PDHX: variants seen among roughly 807,000 people sequenced by gnomAD.
The protein encoded by PDHX is pyruvate dehydrogenase complex component X.
Under a neutral mutation model 55.3 loss-of-function variants are expected in PDHX, and 33 were observed. That is an observed-to-expected ratio of 0.60 (90% CI 0.45 to 0.80). PDHX has a LOEUF of 0.80. Ranked by LOEUF, PDHX falls within the 30% of genes least tolerant of loss-of-function variation. PDHX has a pLI of 0.00. For synonymous variants in PDHX, 226 were observed against 219.4 expected (o/e 1.03, Z -0.27); for missense variants, 622 against 619.9 (o/e 1.00, Z -0.04).
intron 7 of PDHX, among the ~76,000 whole-genome samples, chr11:34,976,600 C>T (rs1227768802): frequency 6.6e-6 from 1 of 152,102 alleles, no homozygotes; most frequent in Admixed American, 6.6e-5. Flanking sequence ...GGAACTGGAA[C>T]TTCTAGCCTG....
chr11:34,953,598 G>A (rs528023557), intron 3 of PDHX, among the ~76,000 whole-genome samples: 2 of 152,164 alleles, frequency 1.3e-5, no homozygotes, highest in Non-Finnish European at 2.9e-5. Flanking sequence ...TTTTAAACTT[G>A]TTTTTTTAAA....
At position 34,992,905 on chromosome 11, in the gene PDHX, C is replaced by CTTCT. The variant is rs1200958921; in HGVS notation, c.1247+526_1247+527insTTCT. Among the ~76,000 whole-genome samples the CTTCT allele has an allele frequency of 4.2e-3, 642 of 152,256 alleles. 4 individuals carry two copies. Among genetic ancestry groups the CTTCT allele is most frequent in the African/African-American group, 0.015 (610 of 41,566 alleles). ...AGAATTCCTAAGTTAGAAGCTTTAG[C>CTTCT]AGCTACTACCAAACAATTTTCCAAA... On this transcript the variant is annotated intron_variant, in intron 10 of 10. Coordinates refer to ENST00000227868, the MANE Select transcript of PDHX (RefSeq NM_003477.3).
chr11:34,990,294 T>C (rs190089232), intron 9 of PDHX, among the ~76,000 whole-genome samples: 2 of 152,332 alleles, frequency 1.3e-5, no homozygotes, highest in Admixed American at 1.3e-4. Context: ...TTCTTTCAGC[T>C]GGATGCTTCA....
intron 1 of PDHX, among the ~76,000 whole-genome samples, chr11:34,919,962 A>G (rs1468191439): frequency 6.6e-6 from 1 of 152,202 alleles, no homozygotes; most frequent in Non-Finnish European, 1.5e-5. Flanking sequence ...CTCTTTGGGG[A>G]CATAAACAAT....
At chr11:34,936,769 G>GTTTTT (rs1565151874) in intron 2 of PDHX, among the ~76,000 whole-genome samples, 2 of 91,000 alleles carry the variant, frequency 2.2e-5, no homozygotes, top group African/African-American at 4.6e-5. Context: ...ATAGGAAGTG[G>GTTTTT]TTTCTTTTCT....
chr11:34,931,102 A>G (rs901385693), intron 1 of PDHX, among the ~76,000 whole-genome samples: 1 of 152,014 alleles, frequency 6.6e-6, no homozygotes, highest in Non-Finnish European at 1.5e-5. Context: ...TCAATCCTAA[A>G]TCAATTTTTC....
chr11:34,967,645 A>T (rs967305370), intron 6 of PDHX, among the ~76,000 whole-genome samples: 1 of 152,078 alleles, frequency 6.6e-6, no homozygotes, highest in African/African-American at 2.4e-5. Context: ...TATTCAGGTT[A>T]TTTTCTTCCT....
chr11:34,995,234 T>TAA lies in PDHX; in HGVS notation c.*63_*64insAA. 6.4e-7 allele frequency: 1 copy of TAA among 1,562,768 alleles called. No individual in the cohort carries two copies. Among genetic ancestry groups the TAA allele is most frequent in the South Asian group, 1.1e-5 (1 of 89,280 alleles). Reference sequence around the variant, plus strand: ...ATTCAGTAGTTGTTACCAAGAAACATATGTTATAGGAAAACAACTTGGTAT... The same window carrying TAA: ...ATTCAGTAGTTGTTACCAAGAAACATAAATGTTATAGGAAAACAACTTGGTAT... On this transcript the variant is annotated 3_prime_UTR_variant, in exon 11 of 11. Coordinates refer to ENST00000227868, the MANE Select transcript of PDHX (RefSeq NM_003477.3).
At chr11:34,917,227 A>G (rs1590722279) in intron 1 of PDHX, among the ~76,000 whole-genome samples, 4 of 152,230 alleles carry the variant, frequency 2.6e-5, no homozygotes, top group African/African-American at 9.6e-5. Flanking sequence ...GTTCTTACTT[A>G]TTCTCTAGGC....
At chr11:34,942,710 TA>T (rs1854517343) in intron 2 of PDHX, among the ~76,000 whole-genome samples, 1 of 152,224 alleles carries the variant, frequency 6.6e-6, no homozygotes, top group Non-Finnish European at 1.5e-5. Flanking sequence ...TGTGATGAGT[TA>T]GGGGTAATGC....
At chr11:34,959,113 T>C (rs371605304) in intron 4 of PDHX, among the ~76,000 whole-genome samples, 6 of 152,220 alleles carry the variant, frequency 3.9e-5, no homozygotes, top group African/African-American at 1.4e-4. Flanking sequence ...TCTGACCATG[T>C]AGTAATTTGT....
chr11:34,948,970 C>A lies in PDHX; in HGVS notation c.342+1364C>A, dbSNP rs74653556. Among the ~76,000 whole-genome samples the A allele has an allele frequency of 9.9e-3, 1,506 of 152,258 alleles. 23 individuals are homozygous for A. The highest frequency in any genetic ancestry group is 0.034 in the African/African-American group (1,429 of 41,536). On this transcript the variant is annotated intron_variant, in intron 3 of 10. Transcript: ENST00000227868. ...TTTTCCACTTAGCTGCTTAGTAATA[C>A]ATTTCAAATTGCTAACCATGTCAGT...
intron 7 of PDHX, chr11:34,977,674 C>T: frequency 2.4e-6 from 1 of 424,118 alleles, no homozygotes; most frequent in Non-Finnish European, 4.7e-6. Context: ...TATCACTGTT[C>T]TAGTATAATC....
intron 2 of PDHX, among the ~76,000 whole-genome samples, chr11:34,942,072 A>G (rs1229754194): frequency 1.3e-5 from 2 of 152,222 alleles, no homozygotes; most frequent in Non-Finnish European, 2.9e-5. Flanking sequence ...CTAGCTGCTG[A>G]GTCTTTTCCA....
In PDHX at chr11:34,995,423, C is replaced by T. The variant is rs1212273731; in HGVS notation, c.*251C>T. On this transcript the variant is annotated 3_prime_UTR_variant, in exon 11 of 11. Transcript: ENST00000227868. ...GGTTACTCAGATCCATTTTTAACCTCTGGTGCTGTATAAAGGGAATATTAA... is the reference window on the plus strand; with the variant it reads ...GGTTACTCAGATCCATTTTTAACCTTTGGTGCTGTATAAAGGGAATATTAA... 8.7e-6 allele frequency: 4 copies of T among 459,858 alleles called. No homozygotes were observed. The highest frequency in any genetic ancestry group is 1.6e-5 in the Non-Finnish European group (4 of 250,754). 28.5% of individuals were successfully genotyped at this position (459,858 alleles called of 1,614,324 possible). A position where few individuals can be genotyped will look rare whatever the true frequency, so the allele number is the denominator to read the frequency against.
intron 2 of PDHX, among the ~76,000 whole-genome samples, chr11:34,944,296 T>A (rs1854570277): frequency 6.6e-6 from 1 of 151,778 alleles, no homozygotes; most frequent in Admixed American, 6.6e-5. Flanking sequence ...ATTTTTGTAT[T>A]TTTAGTAGGG....
At position 34,978,179 on chromosome 11, in the gene PDHX, TAAAG is replaced by T. The variant is rs1205853226; in HGVS notation, c.1021_1023+1del. ...TCATCAAGGCAGCAGCTGTTACCCTTAAAGTAAGTAGCAGACTTCAAATGATTTT... is the reference window on the plus strand; with the variant it reads ...TCATCAAGGCAGCAGCTGTTACCCTTTAAGTAGCAGACTTCAAATGATTTT... On this transcript the variant is annotated splice_donor_variant and coding_sequence_variant, in exon 8 of 11. Coordinates refer to ENST00000227868, the MANE Select transcript of PDHX (RefSeq NM_003477.3). LOFTEE classifies it high-confidence loss of function. 1.3e-6 allele frequency: 2 copies of T among 1,540,728 alleles called. No homozygotes were observed. The highest frequency in any genetic ancestry group is 1.3e-5 in the African/African-American group (1 of 74,110).
chr11:34,941,345 C>T (rs1854473144), intron 2 of PDHX, among the ~76,000 whole-genome samples: 1 of 152,218 alleles, frequency 6.6e-6, no homozygotes, highest in South Asian at 2.1e-4. Context: ...GCTTGTTGTA[C>T]TGTTCTTCAA....
chr11:34,960,102 A>G (rs373588615), intron 4 of PDHX, among the ~76,000 whole-genome samples: 3 of 152,232 alleles, frequency 2.0e-5, no homozygotes, highest in Admixed American at 6.5e-5. Context: ...AGAACAAAAT[A>G]TACGAAGGAA....
Sources: gnomAD v4.1 joint callset for allele counts (sites outside exome capture counted in the v4.1 genomes callset) on GRCh38, gnomAD v4.1.1 for gene constraint, MANE v1.5 for transcripts, NCBI Gene and HGNC (gene_info 2026-07-23, HGNC 2026-07-21) for gene names.